Variants in DCAF5 observed in about 807,000 individuals in gnomAD.
The protein encoded by DCAF5 is DDB1 and CUL4 associated factor 5, also known as DDB1- and CUL4-associated factor 5.
Under a neutral mutation model 80.7 loss-of-function variants are expected in DCAF5, and 9 were observed. The observed-to-expected ratio is 0.11, with a 90% confidence interval of 0.07 to 0.19. DCAF5 has a LOEUF of 0.19. Ranked by LOEUF, DCAF5 falls within the 10% of genes least tolerant of loss-of-function variation. The probability of loss-of-function intolerance (pLI) is 1.00; values close to 1 mark genes in which losing one functional copy is unlikely to be tolerated. For synonymous variants in DCAF5, 433 were observed against 461.9 expected (o/e 0.94, Z 0.80); for missense variants, 842 against 1,205.7 (o/e 0.70, Z 4.47).
At chr14:69,140,297 G>C (rs1303939690) in intron 1 of DCAF5, among the ~76,000 whole-genome samples, 3 of 152,058 alleles carry the variant, frequency 2.0e-5, no homozygotes, top group African/African-American at 7.2e-5. Flanking sequence ...AGAGAAGACA[G>C]AGAAAGACAT....
At chr14:69,128,387 T>C (rs2040938879) in intron 1 of DCAF5, among the ~76,000 whole-genome samples, 1 of 152,164 alleles carries the variant, frequency 6.6e-6, no homozygotes, top group Non-Finnish European at 1.5e-5. Flanking sequence ...GATTTCACCA[T>C]GTTGCCCAGG....
chr14:69,100,553 T>C (rs2039912447), intron 5 of DCAF5, among the ~76,000 whole-genome samples: 1 of 152,202 alleles, frequency 6.6e-6, no homozygotes, highest in Non-Finnish European at 1.5e-5. Flanking sequence ...GATTTCTAGA[T>C]ACAAAACAAG....
At chr14:69,119,694 G>C (rs1036241037) in intron 2 of DCAF5, among the ~76,000 whole-genome samples, 8 of 116,668 alleles carry the variant, frequency 6.9e-5, no homozygotes, top group African/African-American at 2.5e-4. Flanking sequence ...GCAACAGAGA[G>C]AGACTGTCTC....
At chr14:69,120,569 T>G (rs1199641008) in intron 2 of DCAF5, among the ~76,000 whole-genome samples, 1 of 152,120 alleles carries the variant, frequency 6.6e-6, no homozygotes, top group Non-Finnish European at 1.5e-5. Context: ...AACCTGAATA[T>G]AAGAAGACAA....
rs2041724928 is a variant in DCAF5, at chr14:69,152,089, C to A, written c.214+676G>T. Among the ~76,000 whole-genome samples the A allele has an allele frequency of 6.6e-6, 1 of 152,214 alleles. No individual in the cohort carries two copies. Among genetic ancestry groups the A allele is most frequent in the Admixed American group, 6.5e-5 (1 of 15,286 alleles). On this transcript the variant is annotated intron_variant, in intron 1 of 8. Coordinates refer to ENST00000341516, the MANE Select transcript of DCAF5 (RefSeq NM_003861.3). The surrounding 1 kb of genome is among the most constrained non-coding windows in gnomAD (Gnocchi z 4.1). The stretch of plus-strand genomic sequence containing the variant: ...GTTCAGGCTGGTGCCCTTTAGCCTC[C>A]ACAGCCCTCGCCACTCTCGAAACTG...
intron 1 of DCAF5, among the ~76,000 whole-genome samples, chr14:69,146,323 T>C (rs2041535996): frequency 6.6e-6 from 1 of 152,236 alleles, no homozygotes; most frequent in African/African-American, 2.4e-5. Flanking sequence ...TATTTTAAAG[T>C]AGAAGTGACA....
At chr14:69,063,176 C>G (rs1031416264) in intron 7 of DCAF5, among the ~76,000 whole-genome samples, 24 of 152,120 alleles carry the variant, frequency 1.6e-4, no homozygotes, top group African/African-American at 4.3e-4. Flanking sequence ...TTAAAGATAC[C>G]ATGTATAGAT....
chr14:69,097,582 ATTTTTT>A lies in DCAF5; in HGVS notation c.666-5701_666-5696del, dbSNP rs755644268. 7.0e-3 allele frequency among the ~76,000 whole-genome samples: 875 copies of A among 125,248 alleles called. 4 individuals carry two copies. Among genetic ancestry groups the A allele is most frequent in the African/African-American group, 0.01 (339 of 33,416 alleles). The allele number at this position is 125,248 out of a possible 152,430, so 82.2% of individuals were successfully genotyped here. A position where few individuals can be genotyped will look rare whatever the true frequency, so the allele number is the denominator to read the frequency against. On this transcript the variant is annotated intron_variant, in intron 5 of 8. Transcript: ENST00000341516. ...CACCCACTGGATTATTATTATTATT[ATTTTTT>A]TTTTTTTTTTTTTTTTGAGACAGGG...
intron 1 of DCAF5, among the ~76,000 whole-genome samples, chr14:69,137,165 C>A (rs1444948339): frequency 1.3e-5 from 2 of 152,076 alleles, no homozygotes; most frequent in East Asian, 3.9e-4. Context: ...TTTCAACAGG[C>A]AATTTTCCAT....
At chr14:69,081,690 G>A (rs925158900) in intron 6 of DCAF5, among the ~76,000 whole-genome samples, 6 of 151,924 alleles carry the variant, frequency 3.9e-5, no homozygotes, top group African/African-American at 1.5e-4. Flanking sequence ...ATTACTGACT[G>A]GTATTTGTCA....
At chr14:69,110,094 T>C (rs1046529367) in intron 5 of DCAF5, among the ~76,000 whole-genome samples, 2 of 152,190 alleles carry the variant, frequency 1.3e-5, no homozygotes, top group Non-Finnish European at 2.9e-5. Context: ...AAATGCTTAT[T>C]GGGTATTTGG....
chr14:69,054,052 G>A lies in DCAF5; in HGVS notation c.2634C>T (p.Leu878=), dbSNP rs1274124713. Residue 878 remains leucine (L), a synonymous_variant, in exon 9 of 9, where the codon CTC becomes CTT. Transcript: ENST00000341516. ...CAGACCCGCAACAATCTTTGTGTAG[G>A]AGTGTCCCTGTCAGGGACGAGTTAT... is the stretch of plus-strand genomic sequence containing the variant. ...DRDNSSLTGT[L]LHKDCCGSEM... is the part of the protein sequence containing the mutation. 6.2e-7 allele frequency: 1 copy of A among 1,614,054 alleles called. No homozygotes were observed. The highest frequency in any genetic ancestry group is 8.5e-7 in the Non-Finnish European group (1 of 1,179,896).
At chr14:69,125,775 G>C (rs2040852915) in intron 1 of DCAF5, among the ~76,000 whole-genome samples, 1 of 152,064 alleles carries the variant, frequency 6.6e-6, no homozygotes, top group African/African-American at 2.4e-5. Flanking sequence ...AAACAAACAT[G>C]AATAAATATT....
At chr14:69,112,555 GAAAA>G (rs1251190688) in intron 5 of DCAF5, among the ~76,000 whole-genome samples, 1 of 139,494 alleles carries the variant, frequency 7.2e-6, no homozygotes, top group Non-Finnish European at 1.5e-5. Context: ...CTAAAAAAAA[GAAAA>G]AAACAGGGGA....
chr14:69,097,512 A>AT (rs1180421774), intron 5 of DCAF5, among the ~76,000 whole-genome samples: 1 of 151,532 alleles, frequency 6.6e-6, no homozygotes, highest in Non-Finnish European at 1.5e-5. Context: ...TCTATTCTAT[A>AT]TTTTTTATTT....
chr14:69,079,609 C>T (rs1390778961), intron 6 of DCAF5, among the ~76,000 whole-genome samples: 1 of 152,168 alleles, frequency 6.6e-6, no homozygotes, highest in Non-Finnish European at 1.5e-5. Context: ...GCCTGGGATA[C>T]TGCTGACTAT....
chr14:69,150,713 C>T (rs1433039412), intron 1 of DCAF5, among the ~76,000 whole-genome samples: 1 of 144,234 alleles, frequency 6.9e-6, no homozygotes, highest in African/African-American at 2.7e-5. Context: ...TAGGGAGACT[C>T]CACCTCTACA....
intron 5 of DCAF5, among the ~76,000 whole-genome samples, chr14:69,107,188 C>T (rs967795935): frequency 4.6e-5 from 7 of 152,160 alleles, no homozygotes; most frequent in African/African-American, 1.7e-4. Flanking sequence ...CCTCCATTTA[C>T]CAGGCATTCC....
intron 5 of DCAF5, among the ~76,000 whole-genome samples, chr14:69,100,232 A>G (rs1286061035): frequency 6.6e-6 from 1 of 152,192 alleles, no homozygotes; most frequent in Non-Finnish European, 1.5e-5. Context: ...AAGTTTTTCT[A>G]CAATGAATAT....
Sources: gnomAD v4.1 joint callset for allele counts (sites outside exome capture counted in the v4.1 genomes callset) on GRCh38, gnomAD v4.1.1 for gene constraint, Gnocchi (gnomAD v3.1) non-coding constraint, MANE v1.5 for transcripts, NCBI Gene and HGNC (gene_info 2026-07-23, HGNC 2026-07-21) for gene names.